PIGN: variants seen among roughly 807,000 people sequenced by gnomAD.
The protein encoded by PIGN is GPI ethanolamine phosphate transferase 1.
In PIGN, 117 loss-of-function variants were observed where a neutral mutation model predicts 125.4. The ratio of observed to expected loss-of-function variants is 0.93; its 90% CI spans 0.80 to 1.09. PIGN has a LOEUF of 1.09. Ranked by LOEUF, PIGN falls within the 50% of genes least tolerant of loss-of-function variation. The probability of loss-of-function intolerance (pLI) is 0.00; values close to 1 mark genes in which losing one functional copy is unlikely to be tolerated. For synonymous variants in PIGN, 392 were observed against 377.8 expected (o/e 1.04, Z -0.44); for missense variants, 1,075 against 1,094.9 (o/e 0.98, Z 0.26).
chr18:62,094,831 GA>G (rs906697471), intron 23 of PIGN, among the ~76,000 whole-genome samples: 12 of 152,100 alleles, frequency 7.9e-5, no homozygotes, highest in African/African-American at 2.9e-4. Context: ...GGAAACAAAA[GA>G]AGATAGACAG....
In PIGN at chr18:62,084,551, C is replaced by T; in HGVS notation, c.2482G>A (p.Gly828Arg). The T allele has an allele frequency of 6.4e-7, 1 of 1,554,150 alleles. No homozygotes were observed. The highest frequency in any genetic ancestry group is 8.7e-7 in the Non-Finnish European group (1 of 1,146,750). ...FLTVFSPFMM[G>R]ALMMWKILIP... ...CTAACCTTCCACATCATCAGGGCTC[C>T]CATCATAAAAGGACTGAACACAGTC... Residue 828 changes from glycine to arginine, a missense_variant, in exon 27 of 31, where the codon GGA (glycine) becomes AGA (arginine). Gly to Arg is a moderately radical substitution (Grantham distance 125). Coordinates refer to ENST00000640252, the MANE Select transcript of PIGN (RefSeq NM_176787.5).
chr18:62,156,536 G>T (rs2036741628), intron 6 of PIGN, among the ~76,000 whole-genome samples: 1 of 152,054 alleles, frequency 6.6e-6, no homozygotes, highest in Admixed American at 6.5e-5. Context: ...TCACCTTGTT[G>T]CCCAGACTGG....
intron 28 of PIGN, among the ~76,000 whole-genome samples, chr18:62,079,582 T>C (rs1013866798): frequency 5.3e-5 from 8 of 152,094 alleles, no homozygotes; most frequent in African/African-American, 1.2e-4. Flanking sequence ...CCAAATAACA[T>C]TGTAGAAGGC....
Position 62,062,632 on chromosome 18 carries a change from C to T in PIGN, c.2672+10041G>A, listed in dbSNP as rs540829970. 5.3e-5 allele frequency among the ~76,000 whole-genome samples: 8 copies of T among 152,204 alleles called. No homozygotes were observed. In the South Asian group the frequency reaches 1.7e-3, roughly 32 times the overall value. On this transcript the variant is annotated intron_variant, in intron 30 of 30. Coordinates refer to ENST00000640252, the MANE Select transcript of PIGN (RefSeq NM_176787.5). ...GCATAGGATCACTGTATATTCAGGG[C>T]AGCTCCCATTATAAAAAATATTATC...
At chr18:62,127,438 A>G (rs370384504) in intron 14 of PIGN, among the ~76,000 whole-genome samples, 1 of 152,256 alleles carries the variant, frequency 6.6e-6, no homozygotes, top group East Asian at 1.9e-4. Context: ...GAATGCGTAT[A>G]GCTTTCACAC....
Position 62,091,270 on chromosome 18 carries a change from G to A in PIGN, c.2181-692C>T, listed in dbSNP as rs112908836. ...TGAGGCAGGAGAATCACGTGAACCC[G>A]GGAGGCAGAGGTTGCAGTAAGCTGA... On this transcript the variant is annotated intron_variant, in intron 23 of 30. Transcript: ENST00000640252. Among the ~76,000 whole-genome samples the A allele has an allele frequency of 4.2e-3, 632 of 152,172 alleles. 2 individuals are homozygous for A. The highest frequency in any genetic ancestry group is 5.9e-3 in the Non-Finnish European group (404 of 67,998).
chr18:62,124,143 T>C (rs1162621278), intron 14 of PIGN, among the ~76,000 whole-genome samples: 1 of 152,128 alleles, frequency 6.6e-6, no homozygotes, highest in Non-Finnish European at 1.5e-5. Context: ...ACTGACTATG[T>C]CTATATAATG....
intron 23 of PIGN, among the ~76,000 whole-genome samples, chr18:62,019,042 T>C (rs986911318): frequency 2.0e-5 from 3 of 152,158 alleles, no homozygotes; most frequent in African/African-American, 7.2e-5. Flanking sequence ...ACCCTGGCTC[T>C]ACTGAAAATT....
At chr18:62,140,693 A>G (rs556179506) in intron 11 of PIGN, among the ~76,000 whole-genome samples, 1 of 152,194 alleles carries the variant, frequency 6.6e-6, no homozygotes, top group South Asian at 2.1e-4. Flanking sequence ...GAAACCACTA[A>G]AGGCCCTAAA....
chr18:62,134,344 T>C (rs1317435881), intron 14 of PIGN, among the ~76,000 whole-genome samples: 1 of 152,112 alleles, frequency 6.6e-6, no homozygotes, highest in African/African-American at 2.4e-5. Flanking sequence ...TGAGCCAAGA[T>C]TGCGCCACTG....
intron 7 of PIGN, 42 bp downstream of exon 7, chr18:62,154,502 TA>T: frequency 1.1e-6 from 1 of 925,440 alleles, no homozygotes; most frequent in Non-Finnish European, 1.8e-6. Context: ...ATACTTCAGG[TA>T]AAAATATGCT....
intron 30 of PIGN, among the ~76,000 whole-genome samples, chr18:62,068,945 C>T (rs908028585): frequency 2.6e-5 from 4 of 152,140 alleles, no homozygotes; most frequent in African/African-American, 9.7e-5. Flanking sequence ...CCCCACAGTA[C>T]AAGAGAGACT....
At chr18:62,084,460 C>T (rs2033592542) in intron 27 of PIGN, 71 bp downstream of exon 27, 1 of 977,800 alleles carries the variant, frequency 1.0e-6, no homozygotes, top group Non-Finnish European at 1.5e-6. Context: ...TGCTACTTAA[C>T]TCTGTCTAAA....
chr18:62,084,893 C>T (rs956515739), intron 26 of PIGN, among the ~76,000 whole-genome samples: 4 of 152,040 alleles, frequency 2.6e-5, no homozygotes, highest in Admixed American at 6.6e-5. Flanking sequence ...GGATCACCTG[C>T]GGTCAGCAGT....
intron 11 of PIGN, 126 bp from the exon 12 acceptor site, chr18:62,140,605 T>C: frequency 2.1e-6 from 1 of 485,072 alleles, no homozygotes; most frequent in Non-Finnish European, 3.7e-6. Flanking sequence ...TTCAAACATG[T>C]ATTTAATAAA....
chr18:62,132,054 T>C (rs746892653), intron 14 of PIGN, among the ~76,000 whole-genome samples: 3 of 152,052 alleles, frequency 2.0e-5, no homozygotes, highest in Non-Finnish European at 4.4e-5. Context: ...TATTACACAA[T>C]AGTTTGTGAA....
chr18:62,084,710 C>T (rs1359289912), intron 26 of PIGN, 104 bp from the exon 27 acceptor site: 216 of 787,152 alleles, frequency 2.7e-4, no homozygotes, highest in Non-Finnish European at 1.7e-5. Context: ...AATCTACTTA[C>T]TAAAACACAA....
chr18:62,148,807 GCCTCCTAA>G (rs1432053084), intron 7 of PIGN, among the ~76,000 whole-genome samples: 2 of 152,012 alleles, frequency 1.3e-5, no homozygotes, highest in African/African-American at 2.4e-5. Context: ...ATTGCAAATA[GCCTCCTAA>G]TTACTTCCTT....
At chr18:62,032,932 T>G (rs531156497) in intron 23 of PIGN, among the ~76,000 whole-genome samples, 2 of 152,242 alleles carry the variant, frequency 1.3e-5, no homozygotes, top group Non-Finnish European at 1.5e-5. Context: ...ATTCAATGTA[T>G]GCATATCAAT....
Sources: gnomAD v4.1 joint callset for allele counts (sites outside exome capture counted in the v4.1 genomes callset) on GRCh38, gnomAD v4.1.1 for gene constraint, MANE v1.5 for transcripts, NCBI Gene and HGNC (gene_info 2026-07-23, HGNC 2026-07-21) for gene names.